Variants in CABCOCO1 observed in about 807,000 individuals in gnomAD.
CABCOCO1 encodes the protein ciliary-associated calcium-binding coiled-coil protein 1.
A neutral mutation model predicts 35.7 loss-of-function variants in CABCOCO1; 28 were observed. The observed-to-expected ratio is 0.78, with a 90% CI of 0.58 to 1.07. The LOEUF (loss-of-function observed/expected upper bound fraction) is 1.07. Ranked by LOEUF, CABCOCO1 falls within the 50% of genes least tolerant of loss-of-function variation. The probability of loss-of-function intolerance (pLI) is 0.00; values close to 1 mark genes in which losing one functional copy is unlikely to be tolerated. For missense variants in CABCOCO1, 326 were observed against 309.2 expected (o/e 1.05, Z -0.41); for synonymous variants, 95 against 100.1 (o/e 0.95, Z 0.30).
chr10:61,762,519 T>C (rs190430501), intron 7 of CABCOCO1, among the ~76,000 whole-genome samples: 1 of 152,046 alleles, frequency 6.6e-6, no homozygotes, highest in South Asian at 2.1e-4. Flanking sequence ...TTTGTAGACA[T>C]CAGCCTGGGC....
intron 5 of CABCOCO1, among the ~76,000 whole-genome samples, chr10:61,741,292 A>G (rs555471753): frequency 6.6e-6 from 1 of 152,192 alleles, no homozygotes; most frequent in East Asian, 1.9e-4. Flanking sequence ...GAAGTGAATC[A>G]TATGACAACA....
At chr10:61,710,508 T>C (rs1159856214) in intron 5 of CABCOCO1, among the ~76,000 whole-genome samples, 1 of 151,978 alleles carries the variant, frequency 6.6e-6, no homozygotes, top group Non-Finnish European at 1.5e-5. Context: ...GCATAAAATT[T>C]ACAAATAATT....
intron 5 of CABCOCO1, among the ~76,000 whole-genome samples, chr10:61,755,092 T>C (rs1240598056): frequency 6.6e-6 from 1 of 152,196 alleles, no homozygotes; most frequent in Non-Finnish European, 1.5e-5. Context: ...TTAAGAAGTT[T>C]GTAATGGCCC....
chr10:61,681,534 A>G lies in CABCOCO1; in HGVS notation c.334+222A>G, dbSNP rs554242495. Among the ~76,000 whole-genome samples the G allele has an allele frequency of 7.9e-5, 12 of 152,230 alleles. No individual in the cohort carries two copies. The South Asian group carries it at 2.5e-3, about 32-fold the overall frequency. On this transcript the variant is annotated intron_variant, in intron 3 of 7. Coordinates refer to ENST00000648843, the MANE Select transcript of CABCOCO1 (RefSeq NM_001366906.2). ...TCATAATAGCCAATTTGCCAAATATATGTTAATTTCATTTTAAAGTTGTAT... is the reference window on the plus strand; with the variant it reads ...TCATAATAGCCAATTTGCCAAATATGTGTTAATTTCATTTTAAAGTTGTAT...
At chr10:61,737,341 C>T (rs530772551) in intron 5 of CABCOCO1, among the ~76,000 whole-genome samples, 12 of 152,252 alleles carry the variant, frequency 7.9e-5, no homozygotes, top group African/African-American at 2.9e-4. Context: ...AACCCCTCTA[C>T]ACTGTTGGTG....
intron 5 of CABCOCO1, among the ~76,000 whole-genome samples, chr10:61,710,152 A>G (rs951173725): frequency 2.0e-5 from 3 of 151,968 alleles, no homozygotes; most frequent in African/African-American, 7.2e-5. Flanking sequence ...TTGTGTGTAT[A>G]TCACTGATGG....
chr10:61,751,213 C>A (rs1337885546), intron 5 of CABCOCO1, among the ~76,000 whole-genome samples: 1 of 106,506 alleles, frequency 9.4e-6, no homozygotes, highest in Non-Finnish European at 1.9e-5. Flanking sequence ...TTGCCTTGCT[C>A]TTTTTTTTTT....
intron 1 of CABCOCO1, among the ~76,000 whole-genome samples, chr10:61,667,049 CAT>C (rs1479577246): frequency 1.5e-5 from 2 of 135,732 alleles, no homozygotes; most frequent in Non-Finnish European, 3.1e-5. Context: ...ATATAAATTT[CAT>C]ATATTATATA....
At chr10:61,665,338 C>T (rs1839132442) in intron 1 of CABCOCO1, among the ~76,000 whole-genome samples, 1 of 152,160 alleles carries the variant, frequency 6.6e-6, no homozygotes, top group Admixed American at 6.5e-5. Context: ...GTCCTGCTTG[C>T]CAACCTTCTG....
At chr10:61,708,542 A>C (rs1840649002) in intron 5 of CABCOCO1, among the ~76,000 whole-genome samples, 1 of 152,120 alleles carries the variant, frequency 6.6e-6, no homozygotes, top group Non-Finnish European at 1.5e-5. Flanking sequence ...TGTCTAGAGA[A>C]GACTTGCTCT....
chr10:61,679,900 T>A (rs1468369914), intron 2 of CABCOCO1, among the ~76,000 whole-genome samples: 1 of 151,996 alleles, frequency 6.6e-6, no homozygotes, highest in Non-Finnish European at 1.5e-5. Flanking sequence ...AATAAAAGAT[T>A]ATAAAACAGT....
chr10:61,674,494 G>T (rs80222177), intron 2 of CABCOCO1, among the ~76,000 whole-genome samples: 1 of 151,982 alleles, frequency 6.6e-6, no homozygotes, highest in Non-Finnish European at 1.5e-5. Flanking sequence ...CATGATTTTC[G>T]TAATGGTAAT....
At chr10:61,698,787 T>C (rs1439272711) in intron 5 of CABCOCO1, among the ~76,000 whole-genome samples, 2 of 152,146 alleles carry the variant, frequency 1.3e-5, no homozygotes, top group East Asian at 3.9e-4. Context: ...TTTCTTTCTT[T>C]AAACTATAAA....
At chr10:61,672,862 C>A in intron 2 of CABCOCO1, 127 bp downstream of exon 2, 2 of 625,758 alleles carry the variant, frequency 3.2e-6, no homozygotes, top group Non-Finnish European at 4.0e-6. Flanking sequence ...TGAAAAATAT[C>A]TAGACTTCAA....
intron 1 of CABCOCO1, 40 bp from the exon 2 acceptor site, chr10:61,672,592 G>A (rs1004540983): frequency 3.0e-5 from 15 of 505,592 alleles, no homozygotes; most frequent in Non-Finnish European, 3.8e-5. Context: ...TATATGAAAC[G>A]TACAATTAAA....
chr10:61,684,247 GTAAT>G (rs1272869244), intron 3 of CABCOCO1, among the ~76,000 whole-genome samples: 32 of 152,296 alleles, frequency 2.1e-4, no homozygotes, highest in African/African-American at 7.5e-4. Context: ...CGAACCAATT[GTAAT>G]TCATTAAACC....
At chr10:61,756,490 G>GA (rs1365630420) in intron 5 of CABCOCO1, among the ~76,000 whole-genome samples, 1 of 152,052 alleles carries the variant, frequency 6.6e-6, no homozygotes, top group South Asian at 2.1e-4. Flanking sequence ...CTCATTATCA[G>GA]AAAAAATATA....
At chr10:61,727,012 A>G (rs571851492) in intron 5 of CABCOCO1, among the ~76,000 whole-genome samples, 2 of 152,312 alleles carry the variant, frequency 1.3e-5, no homozygotes, top group Admixed American at 1.3e-4. Context: ...CAGTGAGCCA[A>G]GACTGTGCCA....
chr10:61,753,883 A>G (rs1414895888), intron 5 of CABCOCO1, among the ~76,000 whole-genome samples: 1 of 152,148 alleles, frequency 6.6e-6, no homozygotes, highest in Non-Finnish European at 1.5e-5. Context: ...ATGGAAACAG[A>G]GTGATAGCAT....
Sources: gnomAD v4.1 joint callset for allele counts (sites outside exome capture counted in the v4.1 genomes callset) on GRCh38, gnomAD v4.1.1 for gene constraint, MANE v1.5 for transcripts, NCBI Gene and HGNC (gene_info 2026-07-23, HGNC 2026-07-21) for gene names.